CPLX2: variants seen among roughly 807,000 people sequenced by gnomAD.
CPLX2 encodes the protein complexin 2, also known as complexin-2.
Under a neutral mutation model 16.3 loss-of-function variants are expected in CPLX2, and 5 were observed. That is an observed-to-expected ratio of 0.31 (90% CI 0.16 to 0.64). The LOEUF is 0.64. Ranked by LOEUF, CPLX2 falls within the 30% of genes least tolerant of loss-of-function variation. CPLX2 has a pLI of 0.79. For missense variants in CPLX2, 144 were observed against 181.4 expected (o/e 0.79, Z 1.18); for synonymous variants, 89 against 73.2 (o/e 1.22, Z -1.10).
chr5:175,843,836 T>C (rs546312949), intron 2 of CPLX2, among the ~76,000 whole-genome samples: 26 of 152,336 alleles, frequency 1.7e-4, no homozygotes, highest in African/African-American at 4.6e-4. Flanking sequence ...TTACCTGCTA[T>C]AGCCCCGGGC....
At chr5:175,815,254 G>A (rs1049956069) in intron 2 of CPLX2, among the ~76,000 whole-genome samples, 29 of 152,326 alleles carry the variant, frequency 1.9e-4, no homozygotes, top group African/African-American at 6.0e-4. Flanking sequence ...GGGCCCTAGG[G>A]GAAGGGTACT....
intron 1 of CPLX2, among the ~76,000 whole-genome samples, chr5:175,804,204 C>G (rs1255916358): frequency 6.6e-6 from 1 of 152,180 alleles, no homozygotes; most frequent in Non-Finnish European, 1.5e-5. Context: ...TAAGCAGGAC[C>G]TAATCTTGGC....
rs1755652567 is a variant in CPLX2, at chr5:175,882,829, T to G, written c.*2784T>G. ...ATCATTACTGATGCAGACCTGGCTG[T>G]GGAGAGCAGCTAATGTGTGGCCCAG... On this transcript the variant is annotated 3_prime_UTR_variant, in exon 4 of 4. Coordinates refer to ENST00000393745, the MANE Select transcript of CPLX2 (RefSeq NM_001008220.2). 1 of 152,530 alleles carries G rather than the reference T, an allele frequency of 6.6e-6. No individual in the cohort carries two copies. The highest frequency in any genetic ancestry group is 2.4e-5 in the African/African-American group (1 of 41,458). The allele number at this position is 152,530 out of a possible 1,614,324, so 9.4% of individuals were successfully genotyped here.
At chr5:175,855,557 T>G (rs1759238818) in intron 2 of CPLX2, among the ~76,000 whole-genome samples, 1 of 152,216 alleles carries the variant, frequency 6.6e-6, no homozygotes, top group African/African-American at 2.4e-5. Flanking sequence ...TCAAAAAATG[T>G]GACCGAGGTT....
chr5:175,858,707 T>C (rs561974519), intron 2 of CPLX2, among the ~76,000 whole-genome samples: 4 of 152,378 alleles, frequency 2.6e-5, no homozygotes, highest in Non-Finnish European at 5.9e-5. Context: ...TGCGAAGTTA[T>C]AGGCACCGGC....
chr5:175,801,786 G>A (rs1365967651), intron 1 of CPLX2, among the ~76,000 whole-genome samples: 2 of 152,216 alleles, frequency 1.3e-5, no homozygotes, highest in African/African-American at 2.4e-5. Flanking sequence ...TGGGCGAGCC[G>A]GGAGCACATG....
At position 175,881,981 on chromosome 5, in the gene CPLX2, C is replaced by G. The variant is rs1034145820; in HGVS notation, c.*1936C>G. The G allele has an allele frequency of 2.6e-5, 4 of 152,662 alleles. No homozygotes were observed. The highest frequency in any genetic ancestry group is 2.0e-4 in the Admixed American group (3 of 15,286). The allele number at this position is 152,662 out of a possible 1,614,324, so 9.5% of individuals were successfully genotyped here. On this transcript the variant is annotated 3_prime_UTR_variant, in exon 4 of 4. Transcript: ENST00000393745. ...CCGTTTCCAATAGGTAAAGCCATAT[C>G]AGTTAGACTGCAATACTTTAAACAC... is the stretch of plus-strand genomic sequence containing the variant.
At chr5:175,823,765 T>TGGCAGCTTGGCCACTACTTGA (rs1561774427) in intron 2 of CPLX2, among the ~76,000 whole-genome samples, 1 of 152,152 alleles carries the variant, frequency 6.6e-6, no homozygotes, top group East Asian at 1.9e-4. Context: ...CTTCATTTTA[T>TGGCAGCTTGGCCACTACTTGA]GGCAGCTTGG....
chr5:175,816,424 C>T (rs1041473644), intron 2 of CPLX2, among the ~76,000 whole-genome samples: 4 of 152,192 alleles, frequency 2.6e-5, no homozygotes, highest in Non-Finnish European at 4.4e-5. Flanking sequence ...CCTCAGCCTC[C>T]CAAAGTGCTA....
At position 175,860,516 on chromosome 5, in the gene CPLX2, A is replaced by AAGAAAGAAAGAAAG. The variant is rs1554121240; in HGVS notation, c.-88-18135_-88-18134insGAAAGAAAGAAAGA. On this transcript the variant is annotated intron_variant, in intron 2 of 4. Transcript: ENST00000359546. ...AAGAAAGAAAAGAAAGAAAGAAAGA[A>AAGAAAGAAAGAAAG]AAAGAAAGAAAGAAAGAAAGAAAGA... is the stretch of plus-strand genomic sequence containing the variant. Among the ~76,000 whole-genome samples the AAGAAAGAAAGAAAG allele has an allele frequency of 3.7e-4, 8 of 21,362 alleles. 1 individual carries two copies. The highest frequency in any genetic ancestry group is 1.9e-3 in the African/African-American group (7 of 3,754). 14.0% of individuals were successfully genotyped at this position (21,362 alleles called of 152,430 possible). A position where few individuals can be genotyped will look rare whatever the true frequency, so the allele number is the denominator to read the frequency against.
intron 2 of CPLX2, among the ~76,000 whole-genome samples, chr5:175,848,208 G>A (rs143124541): frequency 2.5e-4 from 38 of 152,304 alleles, no homozygotes; most frequent in Admixed American, 5.2e-4. Context: ...GCCAGACACA[G>A]CCATTGGTAG....
upstream of CPLX2, among the ~76,000 whole-genome samples, chr5:175,866,641 C>T (rs1759483288): frequency 6.6e-6 from 1 of 152,044 alleles, no homozygotes; most frequent in Non-Finnish European, 1.5e-5. Flanking sequence ...TGGGCAGATG[C>T]TGGGCTGGGA....
In CPLX2 at chr5:175,881,922, T is replaced by G. The variant is rs932698576; in HGVS notation, c.*1877T>G. On this transcript the variant is annotated 3_prime_UTR_variant, in exon 4 of 4. Transcript: ENST00000393745. ...GGTTTTCCATTTTAGTGGGTTCTGC[T>G]TTTATTTCAGAGACAGACATGTGTC... is the stretch of plus-strand genomic sequence containing the variant. 3 of 152,702 alleles carry G rather than the reference T, an allele frequency of 2.0e-5. No homozygotes were observed. The highest frequency in any genetic ancestry group is 7.2e-5 in the African/African-American group (3 of 41,468). The allele number at this position is 152,702 out of a possible 1,614,324, so 9.5% of individuals were successfully genotyped here.
rs774866291 is a variant in CPLX2, at chr5:175,799,313, G to A, written c.-169+2529G>A. Among the ~76,000 whole-genome samples, 23 of 152,124 alleles carry A rather than the reference G, an allele frequency of 1.5e-4. 1 individual carries two copies. Among genetic ancestry groups the A allele is most frequent in the Admixed American group, 7.2e-4 (11 of 15,282 alleles). On this transcript the variant is annotated intron_variant, in intron 1 of 4. Coordinates refer to the CPLX2 transcript ENST00000359546. ...AGCCCAATAGCCACATTTTACAAAT[G>A]AGGAAGAGGGGGTAAAAAATGGGGA...
Position 175,879,938 on chromosome 5 carries a change from G to C in CPLX2, c.298G>C (p.Ala100Pro). The C allele has an allele frequency of 6.2e-7, 1 of 1,613,974 alleles. No homozygotes were observed. The highest frequency in any genetic ancestry group is 8.5e-7 in the Non-Finnish European group (1 of 1,179,956). Residue 100 changes from alanine (A) to proline (P), a missense_variant, in exon 4 of 4, where the codon GCC becomes CCC. Transcript: ENST00000393745. ...GGGGAGCCTGACCCGGCCCAAGAAGGCCATCCCTGCGGGCTGCGGGGACGA... is the reference window on the plus strand; with the variant it reads ...GGGGAGCCTGACCCGGCCCAAGAAGCCCATCCCTGCGGGCTGCGGGGACGA... ...CEGSLTRPKK[A>P]IPAGCGDEEE...
At chr5:175,827,346 C>T (rs1380293583) in intron 2 of CPLX2, among the ~76,000 whole-genome samples, 2 of 152,294 alleles carry the variant, frequency 1.3e-5, no homozygotes, top group East Asian at 1.9e-4. Context: ...GAAATTGTTG[C>T]TTGATTGCTT....
chr5:175,842,042 G>A (rs944059967), intron 2 of CPLX2, among the ~76,000 whole-genome samples: 11 of 152,262 alleles, frequency 7.2e-5, no homozygotes, highest in African/African-American at 1.7e-4. Flanking sequence ...CCCTTCCAGG[G>A]GCTAAGAATT....
Position 175,829,164 on chromosome 5 carries a change from G to T in CPLX2, c.-89+20096G>T, listed in dbSNP as rs1758680388. On this transcript the variant is annotated intron_variant, in intron 2 of 4. Coordinates refer to the CPLX2 transcript ENST00000359546. ...GGACCTGAGAAGTGCATTTCCCACA[G>T]ATCTCTCCATAGGCAGCCTTAAGGC... Among the ~76,000 whole-genome samples the T allele has an allele frequency of 3.3e-5, 5 of 152,346 alleles. No individual in the cohort carries two copies. The South Asian group carries it at 1.0e-3, about 32-fold the overall frequency.
chr5:175,873,848 C>T (rs1759694462), intron 1 of CPLX2, among the ~76,000 whole-genome samples: 1 of 152,170 alleles, frequency 6.6e-6, no homozygotes, highest in African/African-American at 2.4e-5. Context: ...GAGTCATTTG[C>T]TCAAGGTTAC....
Sources: allele counts gnomAD v4.1 joint callset (sites outside exome capture counted in the v4.1 genomes callset), GRCh38; gene constraint gnomAD v4.1.1; transcripts MANE v1.5; gene names NCBI Gene and HGNC (gene_info 2026-07-23, HGNC 2026-07-21).